SHOC2: variants seen among roughly 807,000 people sequenced by gnomAD.
SHOC2 encodes the protein leucine-rich repeat protein SHOC-2.
In SHOC2, 4 loss-of-function variants were observed where a neutral mutation model predicts 50.2. That is an observed-to-expected ratio of 0.08 (90% CI 0.04 to 0.18). SHOC2 has a LOEUF of 0.18. Ranked by LOEUF, SHOC2 falls within the 10% of genes least tolerant of loss-of-function variation. SHOC2 has a pLI of 1.00. For synonymous variants in SHOC2, 218 were observed against 244.5 expected (o/e 0.89, Z 1.01); for missense variants, 388 against 669.6 (o/e 0.58, Z 4.64).
chr10:110,920,530 TC>T (rs1189161392), intron 1 of SHOC2, among the ~76,000 whole-genome samples: 3 of 152,246 alleles, frequency 2.0e-5, no homozygotes, highest in Non-Finnish European at 1.5e-5. Context: ...TTCTTTTCTT[TC>T]TTTTTCTTTT....
At chr10:110,995,194 C>A (rs192324173) in intron 3 of SHOC2, among the ~76,000 whole-genome samples, 65 of 152,210 alleles carry the variant, frequency 4.3e-4, no homozygotes, top group African/African-American at 1.4e-3. Context: ...GCACTGAAAC[C>A]AATTCTGTGG....
At chr10:111,009,124 G>T in intron 6 of SHOC2, 124 bp from the exon 7 acceptor site, 1 of 562,268 alleles carries the variant, frequency 1.8e-6, no homozygotes, top group East Asian at 3.1e-5. Flanking sequence ...TTATATAATT[G>T]AACATCACCC....
chr10:110,997,945 A>G (rs1406955372), intron 3 of SHOC2, among the ~76,000 whole-genome samples: 2 of 151,982 alleles, frequency 1.3e-5, no homozygotes, highest in Admixed American at 6.6e-5. Context: ...ATTTTGTCAT[A>G]AAGCAAATTA....
chr10:111,007,033 G>A lies in SHOC2; in HGVS notation c.1162-498G>A, dbSNP rs533666185. 2.0e-5 allele frequency among the ~76,000 whole-genome samples: 3 copies of A among 152,218 alleles called. No homozygotes were observed. In the East Asian group the frequency reaches 5.8e-4, roughly 29 times the overall value. On this transcript the variant is annotated intron_variant, in intron 5 of 8. Transcript: ENST00000369452. ...GTAAATACCTGATTAGTGTTTTAAT[G>A]ATTTAATTTGCTGTCTTTTTAAGAC... is the stretch of plus-strand genomic sequence containing the variant.
At chr10:110,943,937 C>G (rs542562579) in intron 1 of SHOC2, among the ~76,000 whole-genome samples, 5 of 152,312 alleles carry the variant, frequency 3.3e-5, no homozygotes, top group African/African-American at 1.2e-4. Context: ...TAGCACACTT[C>G]TTCCACATAT....
chr10:110,921,565 A>G (rs868669718), intron 1 of SHOC2, among the ~76,000 whole-genome samples: 12 of 152,278 alleles, frequency 7.9e-5, no homozygotes, highest in Non-Finnish European at 1.3e-4. Context: ...TTATGGGTAC[A>G]TAGTAGGTTT....
rs1848494585 is a variant in SHOC2 at position 111,007,601 on chromosome 10, C to T, written c.1232C>T (p.Thr411Ile). 6.2e-7 allele frequency: 1 copy of T among 1,613,728 alleles called. No individual in the cohort carries two copies. Among genetic ancestry groups the T allele is most frequent in the Non-Finnish European group, 8.5e-7 (1 of 1,179,766 alleles). Residue 411 changes from threonine (T) to isoleucine (I), a missense_variant, in exon 6 of 9, where the codon ACT (threonine) becomes ATT (isoleucine). Transcript: ENST00000369452. ...AGTATGGTAGAATTGAATTTAGCCA[C>T]TAATCAGCTCACAAAGATCCCTGAG... ...WTSMVELNLATNQLTKIPEDV... is the reference protein window; with the variant it reads ...WTSMVELNLAINQLTKIPEDV...
At chr10:110,939,638 C>T (rs185077591) in intron 1 of SHOC2, among the ~76,000 whole-genome samples, 9 of 152,236 alleles carry the variant, frequency 5.9e-5, no homozygotes, top group East Asian at 3.9e-4. Context: ...TAGATTATAA[C>T]GTATGTCAAC....
In SHOC2 at chr10:111,007,551, T is replaced by G; in HGVS notation, c.1182T>G (p.Leu394=). Residue 394 remains leucine, a synonymous_variant, in exon 6 of 9, where the codon CTT becomes CTG. Coordinates refer to ENST00000369452, the MANE Select transcript of SHOC2 (RefSeq NM_007373.4). ...LNMKDNQLTS[L]PLDFGTWTSM... is the part of the protein sequence containing the mutation. ...GCCAGGACAATCAGTTAACATCACTTCCCTTGGATTTTGGAACTTGGACCA... is the reference window on the plus strand; with the variant it reads ...GCCAGGACAATCAGTTAACATCACTGCCCTTGGATTTTGGAACTTGGACCA... The G allele has an allele frequency of 6.2e-7, 1 of 1,613,746 alleles. No homozygotes were observed. Among genetic ancestry groups the G allele is most frequent in the Non-Finnish European group, 8.5e-7 (1 of 1,179,770 alleles).
At chr10:111,008,333 T>C (rs1459892461) in intron 6 of SHOC2, among the ~76,000 whole-genome samples, 1 of 151,670 alleles carries the variant, frequency 6.6e-6, no homozygotes, top group Non-Finnish European at 1.5e-5. Flanking sequence ...TTCCTTCATA[T>C]CCATGTTTTT....
intron 6 of SHOC2, among the ~76,000 whole-genome samples, chr10:111,008,305 T>TA (rs1848506649): frequency 1.3e-5 from 2 of 151,586 alleles, no homozygotes; most frequent in South Asian, 4.2e-4. Flanking sequence ...TAATAGTAAA[T>TA]ATATTGCTTT....
chr10:111,010,029 T>C (rs140551609), intron 8 of SHOC2, among the ~76,000 whole-genome samples, 199 bp downstream of exon 8: 1 of 152,292 alleles, frequency 6.6e-6, no homozygotes, highest in East Asian at 1.9e-4. Flanking sequence ...TTAGGATTGG[T>C]TTTAAAATTA....
At chr10:110,969,643 T>G (rs1390393101) in intron 2 of SHOC2, among the ~76,000 whole-genome samples, 1 of 152,198 alleles carries the variant, frequency 6.6e-6, no homozygotes, top group East Asian at 1.9e-4. Flanking sequence ...TTCTCTTTCT[T>G]TAAAGTTTCC....
At chr10:110,987,856 C>T (rs2134152233) in intron 3 of SHOC2, among the ~76,000 whole-genome samples, 1 of 152,026 alleles carries the variant, frequency 6.6e-6, no homozygotes, top group South Asian at 2.1e-4. Flanking sequence ...ATGGAAAATT[C>T]CATATAACCA....
chr10:110,948,072 G>T (rs1361854350), intron 1 of SHOC2, among the ~76,000 whole-genome samples: 4 of 152,056 alleles, frequency 2.6e-5, no homozygotes, highest in Non-Finnish European at 5.9e-5. Context: ...AGAATGGGGT[G>T]GCTATATTTA....
Position 110,940,910 on chromosome 10 carries a change from GTTTTTTTTTTT to G in SHOC2, c.-235+21281_-235+21291del, listed in dbSNP as rs539552844. ...GACAAAATAGTGGTATTTGTGGTGG[GTTTTTTTTTTT>G]TTTTTTTTTTTTTTTTTTTTTTTTT... On this transcript the variant is annotated intron_variant, in intron 1 of 8. Coordinates refer to ENST00000369452, the MANE Select transcript of SHOC2 (RefSeq NM_007373.4). Among the ~76,000 whole-genome samples, 450 of 119,460 alleles carry G rather than the reference GTTTTTTTTTTT, an allele frequency of 3.8e-3. 59 individuals are homozygous for G. The highest frequency in any genetic ancestry group is 0.012 in the African/African-American group (375 of 31,428). The allele number at this position is 119,460 out of a possible 152,430, so 78.4% of individuals were successfully genotyped here. A position where few individuals can be genotyped will look rare whatever the true frequency, so the allele number is the denominator to read the frequency against.
intron 2 of SHOC2, 67 bp downstream of exon 2, chr10:110,965,128 A>C: frequency 3.7e-6 from 5 of 1,351,206 alleles, no homozygotes; most frequent in South Asian, 1.2e-5. Context: ...GTGCTTTCTC[A>C]TATCAAAAAA....
At chr10:110,949,344 G>A (rs991470603) in intron 1 of SHOC2, among the ~76,000 whole-genome samples, 1 of 152,074 alleles carries the variant, frequency 6.6e-6, no homozygotes. Flanking sequence ...TAGCCTAGAA[G>A]AAATAGAAAT....
chr10:110,994,792 A>C (rs1472027475), intron 3 of SHOC2, among the ~76,000 whole-genome samples: 1 of 152,204 alleles, frequency 6.6e-6, no homozygotes, highest in Non-Finnish European at 1.5e-5. Context: ...AGGAAGATAC[A>C]TTTATATATT....
Sources: gnomAD v4.1 joint callset for allele counts (sites outside exome capture counted in the v4.1 genomes callset) on GRCh38, gnomAD v4.1.1 for gene constraint, MANE v1.5 for transcripts, NCBI Gene and HGNC (gene_info 2026-07-23, HGNC 2026-07-21) for gene names.